Variants in HEPH observed in about 807,000 individuals in gnomAD.
HEPH encodes the protein hephaestin.
In HEPH, 69 loss-of-function variants were observed where a neutral mutation model predicts 80.8. The ratio of observed to expected loss-of-function variants is 0.85; its 90% CI spans 0.70 to 1.04. The LOEUF is 1.04. HEPH is among the 50% of genes least tolerant of loss of function. The pLI is 0.00. For synonymous variants in HEPH, 431 were observed against 322.8 expected (o/e 1.34, Z -3.60); for missense variants, 1,115 against 891.3 (o/e 1.25, Z -3.20).
intron 4 of HEPH, among the ~76,000 whole-genome samples, chrX:66,178,199 G>GT (rs1299261219): frequency 9.0e-6 from 1 of 111,301 alleles, no homozygotes; most frequent in Non-Finnish European, 1.9e-5. Context: ...GCAGTGTTTG[G>GT]TTTTTTGTCC....
At chrX:66,172,044 CGAG>C (rs1443163686) in intron 2 of HEPH, among the ~76,000 whole-genome samples, 2 of 112,083 alleles carry the variant, frequency 1.8e-5, no homozygotes, top group Non-Finnish European at 3.8e-5. Context: ...GCTACATTGA[CGAG>C]GAGTCGATCA....
chrX:66,242,313 A>T (rs1262399465), intron 15 of HEPH, among the ~76,000 whole-genome samples: 2 of 111,791 alleles, frequency 1.8e-5, no homozygotes, highest in African/African-American at 6.5e-5. Flanking sequence ...AATGACTAGC[A>T]ATATGCAGAA....
chrX:66,263,819 A>G (rs1250048160), intron 20 of HEPH, 131 bp downstream of exon 20: 11 of 611,677 alleles, frequency 1.8e-5, no homozygotes, highest in Non-Finnish European at 2.5e-5. Flanking sequence ...GTATCCTGAG[A>G]CTTCTGCAAG....
intron 15 of HEPH, among the ~76,000 whole-genome samples, chrX:66,214,334 G>A (rs1306964685): frequency 8.9e-6 from 1 of 112,153 alleles, no homozygotes; most frequent in Non-Finnish European, 1.9e-5. Context: ...AAGACAATTA[G>A]CTTGTGAATT....
At chrX:66,173,894 C>A in intron 4 of HEPH, 93 bp downstream of exon 4, 1 of 541,750 alleles carries the variant, frequency 1.8e-6, no homozygotes, top group East Asian at 3.7e-5. Flanking sequence ...GGACAGCAGC[C>A]TGAGGAGTGC....
At chrX:66,235,836 T>C (rs773117642) in intron 15 of HEPH, among the ~76,000 whole-genome samples, 27 of 111,930 alleles carry the variant, frequency 2.4e-4, no homozygotes, top group Admixed American at 5.7e-4. Context: ...TGATCCCATA[T>C]TTGCATTTGT....
chrX:66,213,969 G>T (rs1190997702), intron 15 of HEPH, among the ~76,000 whole-genome samples: 3 of 112,225 alleles, frequency 2.7e-5, no homozygotes, highest in Non-Finnish European at 5.6e-5. Flanking sequence ...TGCTGGAAAT[G>T]TCTTACCAGT....
At chrX:66,249,898 G>T (rs898512902) in intron 15 of HEPH, among the ~76,000 whole-genome samples, 1 of 111,610 alleles carries the variant, frequency 9.0e-6, no homozygotes, top group African/African-American at 3.3e-5. Context: ...TATGGGGTGG[G>T]AGTGGTGAAG....
Position 66,173,633 on chromosome X carries a change from G to T in HEPH, c.457G>T (p.Asp153Tyr). 1 of 1,210,971 alleles carries T rather than the reference G, an allele frequency of 8.3e-7. No individual in the cohort carries two copies. The highest frequency in any genetic ancestry group is 1.1e-6 in the Non-Finnish European group (1 of 895,101). Residue 153 changes from aspartate (D) to tyrosine (Y), a missense_variant, in exon 4 of 21, where the codon GAC becomes TAC. This residue lies in a region of HEPH where 391 missense variants were observed against 343.6 expected (regional missense o/e 1.14). Coordinates refer to ENST00000343002, the MANE Select transcript of HEPH (RefSeq NM_001367233.3). ...CTCCTCTGGGCCACTGAAAGCTGATGACTCTGTTCCCCCGGGGGGCAGCCA... is the reference window on the plus strand; with the variant it reads ...CTCCTCTGGGCCACTGAAAGCTGATTACTCTGTTCCCCCGGGGGGCAGCCA... ...DGSSGPLKAD[D>Y]SVPPGGSHIY...
intron 4 of HEPH, among the ~76,000 whole-genome samples, chrX:66,180,504 A>T (rs2087060885): frequency 9.0e-6 from 1 of 110,799 alleles, no homozygotes; most frequent in African/African-American, 3.3e-5. Flanking sequence ...TTTCCTTTAT[A>T]GGTGACCTGG....
At chrX:66,217,752 T>C (rs1046660414) in intron 15 of HEPH, among the ~76,000 whole-genome samples, 1 of 111,700 alleles carries the variant, frequency 9.0e-6, no homozygotes, top group Middle Eastern at 4.2e-3. Context: ...GCAGAATAGA[T>C]ACGAATTCAC....
chrX:66,229,070 A>G (rs1459556657), intron 15 of HEPH, among the ~76,000 whole-genome samples: 2 of 112,472 alleles, frequency 1.8e-5, no homozygotes, highest in African/African-American at 6.5e-5. Flanking sequence ...GAAAAAAGAT[A>G]CTTGCACATG....
chrX:66,235,171 C>A (rs878888358), intron 15 of HEPH, among the ~76,000 whole-genome samples: 13 of 111,516 alleles, frequency 1.2e-4, no homozygotes, highest in African/African-American at 4.2e-4. Context: ...TTGATAGTTT[C>A]TTTCACTGTG....
In HEPH at chrX:66,199,025, C is replaced by T; in HGVS notation, c.1861C>T (p.His621Tyr). Residue 621 changes from histidine (H) to tyrosine (Y), a missense_variant, in exon 11 of 21, where the codon CAT becomes TAT. Around this residue, in one of 3 missense-constraint regions of HEPH, gnomAD observed 716 missense variants for 523.5 expected, o/e 1.37. Coordinates refer to ENST00000343002, the MANE Select transcript of HEPH (RefSeq NM_001367233.3). ...IEGFQDSNRM[H>Y]AINGFLFSNL... ...GGGCTTCCAAGACTCCAATCGGATG[C>T]ATGGTATGGGGAGTACTTTTGCCCT... The T allele has an allele frequency of 1.7e-6, 2 of 1,209,588 alleles. No homozygotes were observed. Among genetic ancestry groups the T allele is most frequent in the Non-Finnish European group, 2.2e-6 (2 of 893,884 alleles).
chrX:66,212,436 C>T (rs1415960108), intron 15 of HEPH, among the ~76,000 whole-genome samples: 1 of 111,058 alleles, frequency 9.0e-6, no homozygotes, highest in Non-Finnish European at 1.9e-5. Flanking sequence ...GAGTTTCCCT[C>T]CAGTTTTCTT....
intron 15 of HEPH, among the ~76,000 whole-genome samples, chrX:66,232,259 C>T (rs2090179634): frequency 9.0e-6 from 1 of 110,857 alleles, no homozygotes; most frequent in Non-Finnish European, 1.9e-5. Flanking sequence ...TGTGTCTCTG[C>T]CCGGCTTTGG....
chrX:66,189,532 T>C, intron 5 of HEPH, 152 bp from the exon 6 acceptor site: 1 of 561,772 alleles, frequency 1.8e-6, no homozygotes, highest in Non-Finnish European at 2.8e-6. Flanking sequence ...TCAGGGATGT[T>C]TTTGAGATTT....
At chrX:66,193,460 T>C (rs1328197449) in intron 7 of HEPH, 42 bp from the exon 8 acceptor site, 23 of 969,105 alleles carry the variant, frequency 2.4e-5, no homozygotes, top group Non-Finnish European at 3.1e-5. Context: ...GTCTATTTGA[T>C]ACCTAATGAA....
rs1602191251 is a variant in HEPH, at chrX:66,170,633, T to A, written c.63T>A (p.Thr21=). Residue 21 remains threonine (T), a synonymous_variant, in exon 2 of 21, where the codon ACT becomes ACA. Transcript: ENST00000343002. ...LFMQSLWPQL[T]DGATRVYYLG... ...TGCAGTCCTTGTGGCCTCAACTGAC[T>A]GATGGAGCCACTCGAGTCTACTACC... is the stretch of plus-strand genomic sequence containing the variant. The A allele has an allele frequency of 7.4e-6, 9 of 1,210,138 alleles. No homozygotes were observed. The East Asian group carries it at 2.7e-4, about 36-fold the overall frequency.
Sources: allele counts gnomAD v4.1 joint callset (sites outside exome capture counted in the v4.1 genomes callset), GRCh38; gene constraint gnomAD v4.1.1; regional missense constraint gnomAD v4.1.1; transcripts MANE v1.5; gene names NCBI Gene and HGNC (gene_info 2026-07-23, HGNC 2026-07-21).